The following KIAA0319 variants were observed in gnomAD, a reference collection of about 807,000 sequenced individuals.
The protein encoded by KIAA0319 is dyslexia-associated protein KIAA0319.
Under a neutral mutation model 108.4 loss-of-function variants are expected in KIAA0319, and 83 were observed. The ratio of observed to expected loss-of-function variants is 0.77; its 90% CI spans 0.64 to 0.92. The LOEUF (loss-of-function observed/expected upper bound fraction) is 0.92, where lower values mean the gene tolerates loss of function less well. Ranked by LOEUF, KIAA0319 falls within the 40% of genes least tolerant of loss-of-function variation. The pLI, the probability that KIAA0319 is intolerant of heterozygous loss-of-function variation, is 0.00. For missense variants in KIAA0319, 1,195 were observed against 1,322.4 expected, an observed-to-expected ratio of 0.90 and a Z score of 1.49; for synonymous variants, 484 against 510.4, an observed-to-expected ratio of 0.95 and a Z score of 0.70.
At chr6:24,633,328 C>A (rs2127590290) in intron 1 of KIAA0319, among the ~76,000 whole-genome samples, 1 of 152,198 alleles carries the variant, frequency 6.6e-6, no homozygotes. Flanking sequence ...GACAGAGAAG[C>A]TCTTTTTAAA....
Position 24,578,276 on chromosome 6 carries a change from T to C in KIAA0319, c.1373-34A>G, listed in dbSNP as rs376383972. The C allele has an allele frequency of 8.1e-6, 12 of 1,489,076 alleles. No homozygotes were observed. The South Asian group carries it at 1.3e-4, about 17-fold the overall frequency. 92.2% of individuals were successfully genotyped at this position (1,489,076 alleles called of 1,614,324 possible). On this transcript the variant is annotated intron_variant, in intron 8 of 20. Transcript: ENST00000378214. ...TTAAGAAATAAAGACAAGAATGAAA[T>C]ACAAGAAGAGGAAGACATAAGTTTT...
intron 9 of KIAA0319, among the ~76,000 whole-genome samples, chr6:24,576,946 GA>G (rs544193510): frequency 4.8e-4 from 72 of 151,342 alleles, no homozygotes; most frequent in African/African-American, 1.7e-3. Context: ...AAAAAAAAAA[GA>G]AAAAAAGTAG....
chr6:24,577,763 C>A (rs983766138), intron 9 of KIAA0319, among the ~76,000 whole-genome samples: 1 of 152,208 alleles, frequency 6.6e-6, no homozygotes, highest in African/African-American at 2.4e-5. Flanking sequence ...CCTTCCTTCT[C>A]AACCAGGCTG....
At chr6:24,556,907 G>A (rs1459854936) in intron 17 of KIAA0319, among the ~76,000 whole-genome samples, 178 bp from the exon 18 acceptor site, 1 of 152,152 alleles carries the variant, frequency 6.6e-6, no homozygotes, top group Non-Finnish European at 1.5e-5. Context: ...AATCTCATCA[G>A]AAAGCAAATG....
At position 24,596,350 on chromosome 6, in the gene KIAA0319, C is replaced by T; in HGVS notation, c.324G>A (p.Gln108=). 6.2e-7 allele frequency: 1 copy of T among 1,614,238 alleles called. No homozygotes were observed. The highest frequency in any genetic ancestry group is 2.2e-5 in the East Asian group (1 of 44,890). ...SYLTFVLRPV[Q]RPAQLLDYGD... The stretch of plus-strand genomic sequence containing the variant: ...CATAGTCCAGCAGCTGTGCAGGCCT[C>T]TGAACAGGCCGGAGCACAAAAGTGA... Residue 108 remains glutamine, a synonymous_variant, in exon 3 of 21, where the codon CAG becomes CAA. Coordinates refer to ENST00000378214, the MANE Select transcript of KIAA0319 (RefSeq NM_014809.4).
intron 2 of KIAA0319, chr6:24,600,823 A>G (rs1770516733): frequency 1.3e-6 from 1 of 761,428 alleles, no homozygotes; most frequent in South Asian, 2.0e-5. Flanking sequence ...GTATATATGA[A>G]ATGTGATTTT....
intron 9 of KIAA0319, 74 bp from the exon 10 acceptor site, chr6:24,576,670 A>G: frequency 8.3e-7 from 1 of 1,198,730 alleles, no homozygotes; most frequent in Admixed American, 1.7e-5. Flanking sequence ...CTGTAATCCC[A>G]ACACTGTGGG....
intron 10 of KIAA0319, among the ~76,000 whole-genome samples, chr6:24,574,988 G>A (rs1225730919): frequency 1.3e-5 from 2 of 152,178 alleles, no homozygotes; most frequent in Non-Finnish European, 2.9e-5. Flanking sequence ...TCTCACCAAT[G>A]CCCTCAAGGC....
intron 3 of KIAA0319, among the ~76,000 whole-genome samples, chr6:24,595,576 C>T (rs975858768): frequency 3.6e-5 from 5 of 140,480 alleles, no homozygotes; most frequent in African/African-American, 1.4e-4. Context: ...AAAAACGCTA[C>T]AGGCATTTCT....
chr6:24,596,828 C>G (rs1769692798), intron 2 of KIAA0319, among the ~76,000 whole-genome samples: 1 of 152,182 alleles, frequency 6.6e-6, no homozygotes, highest in Non-Finnish European at 1.5e-5. Context: ...ACTCATTCAT[C>G]TTCCATCTAC....
Position 24,595,848 on chromosome 6 carries a change from C to G in KIAA0319, c.801+25G>C, listed in dbSNP as rs59166521. 61,475 of 1,563,056 alleles carry G rather than the reference C, an allele frequency of 0.039. 6,825 individuals are homozygous for G. In the East Asian group the frequency reaches 0.43, roughly 11 times the overall value. ...CTGCCCCACTCAGCCCATCCCACCC[C>G]CAAGCACATCCTGAACACACTCACC... On this transcript the variant is annotated intron_variant, in intron 3 of 20. Coordinates refer to ENST00000378214, the MANE Select transcript of KIAA0319 (RefSeq NM_014809.4).
At chr6:24,620,149 T>G (rs1000449649) in intron 1 of KIAA0319, among the ~76,000 whole-genome samples, 2 of 152,210 alleles carry the variant, frequency 1.3e-5, no homozygotes, top group African/African-American at 4.8e-5. Context: ...GAAAAAAGTA[T>G]GCAAAACTGC....
intron 8 of KIAA0319, among the ~76,000 whole-genome samples, 181 bp downstream of exon 8, chr6:24,579,677 G>A (rs1215121578): frequency 6.6e-6 from 1 of 151,634 alleles, no homozygotes; most frequent in Non-Finnish European, 1.5e-5. Flanking sequence ...AAAGGTGAAG[G>A]GAAAATAAGC....
At chr6:24,612,446 G>A (rs1240832839) in intron 1 of KIAA0319, among the ~76,000 whole-genome samples, 1 of 152,030 alleles carries the variant, frequency 6.6e-6, no homozygotes, top group Non-Finnish European at 1.5e-5. Flanking sequence ...GTGAGACCCT[G>A]TCTACAAAAT....
chr6:24,557,312 G>A (rs978941336), intron 17 of KIAA0319, among the ~76,000 whole-genome samples: 9 of 152,172 alleles, frequency 5.9e-5, no homozygotes, highest in African/African-American at 2.2e-4. Flanking sequence ...GACCAGCCTG[G>A]CCAATATAGC....
intron 4 of KIAA0319, among the ~76,000 whole-genome samples, chr6:24,584,060 G>C (rs1028217429): frequency 1.3e-5 from 2 of 152,110 alleles, no homozygotes; most frequent in Non-Finnish European, 2.9e-5. Flanking sequence ...CCTGGTGTGA[G>C]CTATTTTTAG....
intron 1 of KIAA0319, among the ~76,000 whole-genome samples, chr6:24,618,441 T>C (rs2127565605): frequency 6.6e-6 from 1 of 152,000 alleles, no homozygotes; most frequent in South Asian, 2.1e-4. Context: ...AGATGTCATC[T>C]CTATTAAAAC....
chr6:24,598,139 G>A, intron 2 of KIAA0319: 1 of 447,086 alleles, frequency 2.2e-6, no homozygotes, highest in African/African-American at 2.0e-5. Context: ...CGAGTGGGCA[G>A]CAGCAGCAGC....
In KIAA0319 at chr6:24,547,072, T is replaced by C; in HGVS notation, c.*93A>G. On this transcript the variant is annotated 3_prime_UTR_variant, in exon 21 of 21. Transcript: ENST00000378214. The stretch of plus-strand genomic sequence containing the variant: ...CTAACCCACTGGGGAAGAAGGTCAA[T>C]GAACTATTCTAAAAGAGTGGGTTTT... 1 of 1,319,392 alleles carries C rather than the reference T, an allele frequency of 7.6e-7. No individual in the cohort carries two copies. The highest frequency in any genetic ancestry group is 1.1e-6 in the Non-Finnish European group (1 of 932,304). 81.7% of individuals were successfully genotyped at this position (1,319,392 alleles called of 1,614,324 possible).
Sources: gnomAD v4.1 joint callset for allele counts (sites outside exome capture counted in the v4.1 genomes callset) on GRCh38, gnomAD v4.1.1 for gene constraint, MANE v1.5 for transcripts, NCBI Gene and HGNC (gene_info 2026-07-23, HGNC 2026-07-21) for gene names.